HAPSTR1: variants seen among roughly 807,000 people sequenced by gnomAD.
HAPSTR1 encodes the protein HUWE1-associated protein modifying stress responses 1.
chr16:9,092,095 C>T, the HAPSTR1 span: 1 of 1,547,028 alleles, frequency 6.5e-7, no homozygotes, highest in Middle Eastern at 1.9e-4. Flanking sequence ...AGCACGGGCC[C>T]GAGCACTGGT....
chr16:9,092,887 T>G, the HAPSTR1 span: 1 of 1,534,472 alleles, frequency 6.5e-7, no homozygotes, highest in Non-Finnish European at 8.9e-7. Context: ...TCTTTTTTCT[T>G]TTTGGTTTTT....
At chr16:9,096,328 T>G in the HAPSTR1 span, among the ~76,000 whole-genome samples, 1 of 152,246 alleles carries the variant, frequency 6.6e-6, no homozygotes, top group Non-Finnish European at 1.5e-5. Flanking sequence ...AATAATAGTT[T>G]ATTTTCTGTC....
chr16:9,091,853 C>A, the HAPSTR1 span: 1 of 415,612 alleles, frequency 2.4e-6, no homozygotes, highest in South Asian at 1.2e-4. Flanking sequence ...GGGGGTCGTC[C>A]CTGGTTGCAC....
chr16:9,118,062 A>G, the HAPSTR1 span: 1 of 152,638 alleles, frequency 6.6e-6, no homozygotes, highest in Non-Finnish European at 1.5e-5. Context: ...AGTTCTCAAT[A>G]GATTCCTCTT....
At chr16:9,120,009 G>A in the HAPSTR1 span, 1 of 152,214 alleles carries the variant, frequency 6.6e-6, no homozygotes, top group East Asian at 1.9e-4. Context: ...AGAAAATTAT[G>A]AACAGAATGA....
chr16:9,093,121 C>T, the HAPSTR1 span: 4 of 999,612 alleles, frequency 4.0e-6, no homozygotes, highest in Non-Finnish European at 6.0e-6. Context: ...GAATACCTTG[C>T]AACTTGAGAA....
the HAPSTR1 span, chr16:9,109,821 T>TA: frequency 6.6e-6 from 1 of 152,182 alleles, no homozygotes; most frequent in African/African-American, 2.4e-5. Context: ...CTTTGTGAGT[T>TA]ACAAGACAGC....
chr16:9,093,859 G>T, the HAPSTR1 span, among the ~76,000 whole-genome samples: 53 of 151,262 alleles, frequency 3.5e-4, no homozygotes, highest in Non-Finnish European at 7.2e-4. Context: ...TTTTTGGCAA[G>T]ATTTTTATGG....
At chr16:9,097,085 G>A in the HAPSTR1 span, among the ~76,000 whole-genome samples, 1 of 151,836 alleles carries the variant, frequency 6.6e-6, no homozygotes, top group African/African-American at 2.4e-5. Flanking sequence ...GATTACAGGC[G>A]CCTGCCACCA....
At chr16:9,092,891 G>GGTTTTTTTTTTTTTTTTT in the HAPSTR1 span, 1 of 1,499,768 alleles carries the variant, frequency 6.7e-7, no homozygotes, top group Non-Finnish European at 9.1e-7. Flanking sequence ...TTTTCTTTTT[G>GGTTTTTTTTTTTTTTTTT]GTTTTTTTTT....
the HAPSTR1 span, chr16:9,111,277 TTAAAAG>T: frequency 2.0e-5 from 3 of 152,206 alleles, no homozygotes; most frequent in African/African-American, 7.2e-5. Context: ...TGGTAGCTGT[TTAAAAG>T]TAAAATGTGT....
the HAPSTR1 span, chr16:9,112,287 A>G: frequency 6.6e-6 from 1 of 152,232 alleles, no homozygotes; most frequent in Admixed American, 6.5e-5. Context: ...GAATAGTGCA[A>G]TTCATTTCCA....
chr16:9,092,885 CTTTTTGGTTTTTTTTT>C, the HAPSTR1 span: 2 of 1,512,918 alleles, frequency 1.3e-6, no homozygotes, highest in East Asian at 4.6e-5. Context: ...TTTCTTTTTT[CTTTTTGGTTTTTTTTT>C]TTTTTGGCTT....
At chr16:9,099,962 A>C in the HAPSTR1 span, among the ~76,000 whole-genome samples, 1 of 152,244 alleles carries the variant, frequency 6.6e-6, no homozygotes, top group Non-Finnish European at 1.5e-5. Context: ...TTTGGGAAAT[A>C]ACTGAGGTTG....
the HAPSTR1 span, among the ~76,000 whole-genome samples, chr16:9,092,614 C>A: frequency 6.6e-6 from 1 of 152,042 alleles, no homozygotes; most frequent in Non-Finnish European, 1.5e-5. Context: ...GGCGGGGCGG[C>A]CCCATTGTGC....
At chr16:9,118,059 A>C in the HAPSTR1 span, 6 of 152,748 alleles carry the variant, frequency 3.9e-5, no homozygotes, top group African/African-American at 1.4e-4. Context: ...AAAAGTTCTC[A>C]ATAGATTCCT....
At chr16:9,093,027 G>C in the HAPSTR1 span, 7 of 1,594,942 alleles carry the variant, frequency 4.4e-6, no homozygotes, top group East Asian at 1.3e-4. Flanking sequence ...CTGCATTGCC[G>C]ATTCAGGGAA....
chr16:9,094,968 A>T, the HAPSTR1 span, among the ~76,000 whole-genome samples: 1 of 152,206 alleles, frequency 6.6e-6, no homozygotes, highest in Non-Finnish European at 1.5e-5. Flanking sequence ...ACTCTGAAAT[A>T]ATCCTTAATT....
chr16:9,118,603 T>C, the HAPSTR1 span: 1 of 152,560 alleles, frequency 6.6e-6, no homozygotes, highest in Admixed American at 6.5e-5. Flanking sequence ...GGTCATTTTT[T>C]GTTTGACTAT....
Sources: gnomAD v4.1 joint callset for allele counts (sites outside exome capture counted in the v4.1 genomes callset) on GRCh38, gnomAD v4.1.1 for gene constraint, MANE v1.5 for transcripts, NCBI Gene and HGNC (gene_info 2026-07-23, HGNC 2026-07-21) for gene names.